Variants in PMFBP1 observed in about 807,000 individuals in gnomAD.
PMFBP1 encodes the protein polyamine modulated factor 1 binding protein 1.
In PMFBP1, 131 loss-of-function variants were observed where a neutral mutation model predicts 137.8. The ratio of observed to expected loss-of-function variants is 0.95; its 90% CI spans 0.82 to 1.10. The LOEUF (loss-of-function observed/expected upper bound fraction) is 1.10. PMFBP1 is among the 50% of genes least tolerant of loss of function. The pLI is 0.00. For missense variants in PMFBP1, 1,199 were observed against 1,175.4 expected (o/e 1.02, Z -0.29); for synonymous variants, 490 against 450.4 (o/e 1.09, Z -1.11).
chr16:72,132,575 A>C (rs1467149241), intron 10 of PMFBP1, among the ~76,000 whole-genome samples, 173 bp downstream of exon 10: 4 of 152,160 alleles, frequency 2.6e-5, no homozygotes, highest in Non-Finnish European at 2.9e-5. Context: ...GAAGGAATTC[A>C]AGAGGGCGGT....
chr16:72,173,734 C>T (rs1251048023), upstream of PMFBP1, among the ~76,000 whole-genome samples: 2 of 152,066 alleles, frequency 1.3e-5, no homozygotes, highest in Admixed American at 1.3e-4. Context: ...TTGGGGGAGC[C>T]CCACAGGCTT....
At chr16:72,150,518 G>T in intron 5 of PMFBP1, 90 bp downstream of exon 5, 1 of 1,303,494 alleles carries the variant, frequency 7.7e-7, no homozygotes, top group Non-Finnish European at 1.1e-6. Flanking sequence ...AAAGGTTTGG[G>T]TTTCCAGTGG....
the PMFBP1 span, among the ~76,000 whole-genome samples, chr16:72,246,010 G>C: frequency 6.6e-6 from 1 of 152,172 alleles, no homozygotes; most frequent in Non-Finnish European, 1.5e-5. Flanking sequence ...CACTGCAAAA[G>C]ACAGTCTACT....
At chr16:72,226,217 G>A in the PMFBP1 span, among the ~76,000 whole-genome samples, 1 of 152,054 alleles carries the variant, frequency 6.6e-6, no homozygotes, top group Non-Finnish European at 1.5e-5. Flanking sequence ...GAATTCTTTG[G>A]TTACTAGATT....
chr16:72,120,214 G>A lies in PMFBP1; in HGVS notation c.2769-125C>T, dbSNP rs765679594. 1,280 of 1,469,954 alleles carry A rather than the reference G, an allele frequency of 8.7e-4. 2 individuals are homozygous for A. Among genetic ancestry groups the A allele is most frequent in the Middle Eastern group, 2.0e-3 (8 of 4,008 alleles). 91.1% of individuals were successfully genotyped at this position (1,469,954 alleles called of 1,614,324 possible). On this transcript the variant is annotated intron_variant, in intron 19 of 20. Coordinates refer to ENST00000237353, the MANE Select transcript of PMFBP1 (RefSeq NM_031293.3). ...CAGATGCCCAGGTCTGTTCAGAGCC[G>A]GCCTGTTACACATGCTCTGTAGAAA... is the stretch of plus-strand genomic sequence containing the variant.
the PMFBP1 span, among the ~76,000 whole-genome samples, chr16:72,205,148 A>G: frequency 7.9e-5 from 12 of 152,306 alleles, no homozygotes; most frequent in African/African-American, 2.9e-4. Context: ...GTGCAGGAGA[A>G]AGACAGAGAT....
chr16:72,161,094 C>CTTTTT (rs35611285), intron 3 of PMFBP1, among the ~76,000 whole-genome samples: 1 of 124,946 alleles, frequency 8.0e-6, no homozygotes, highest in East Asian at 2.3e-4. Context: ...TTATCTGTTA[C>CTTTTT]TTTTTTTTTT....
intron 3 of PMFBP1, among the ~76,000 whole-genome samples, chr16:72,161,094 CTTTT>C (rs35611285): frequency 1.6e-5 from 2 of 124,946 alleles, no homozygotes; most frequent in African/African-American, 5.7e-5. Context: ...TTATCTGTTA[CTTTT>C]TTTTTTTTTT....
chr16:72,142,944 G>GA (rs1387158654), intron 5 of PMFBP1, among the ~76,000 whole-genome samples: 6 of 151,550 alleles, frequency 4.0e-5, no homozygotes, highest in African/African-American at 7.3e-5. Context: ...GAAAATAGAT[G>GA]AAAAAAAATT....
chr16:72,182,131 G>A, the PMFBP1 span, among the ~76,000 whole-genome samples: 2 of 152,178 alleles, frequency 1.3e-5, no homozygotes, highest in Admixed American at 1.3e-4. Context: ...GTATGAGCCC[G>A]TAATTTAAAC....
the PMFBP1 span, among the ~76,000 whole-genome samples, chr16:72,228,115 G>A: frequency 1.3e-5 from 2 of 152,038 alleles, no homozygotes; most frequent in African/African-American, 4.8e-5. Flanking sequence ...AACATCTTAA[G>A]GAAAACTTCC....
chr16:72,132,227 G>C (rs1314483789), intron 10 of PMFBP1, among the ~76,000 whole-genome samples: 5 of 152,146 alleles, frequency 3.3e-5, no homozygotes, highest in Admixed American at 6.5e-5. Flanking sequence ...TTTAATTCCA[G>C]AGCATTTTCA....
At chr16:72,183,938 T>G in the PMFBP1 span, among the ~76,000 whole-genome samples, 4 of 152,200 alleles carry the variant, frequency 2.6e-5, no homozygotes, top group South Asian at 8.3e-4. Context: ...GTCAAAGTTT[T>G]GGGTGTCAAC....
chr16:72,194,938 C>T, the PMFBP1 span, among the ~76,000 whole-genome samples: 2 of 152,220 alleles, frequency 1.3e-5, no homozygotes, highest in African/African-American at 2.4e-5. Context: ...TTACACTCAT[C>T]AATTTAGATG....
chr16:72,199,891 G>C, the PMFBP1 span, among the ~76,000 whole-genome samples: 1 of 152,160 alleles, frequency 6.6e-6, no homozygotes, highest in African/African-American at 2.4e-5. Context: ...AATTAGGATG[G>C]GGCTGCTGGT....
Position 72,150,769 on chromosome 16 carries a change from A to G in PMFBP1, c.475T>C (p.Leu159=). Residue 159 remains leucine, a synonymous_variant, in exon 5 of 21, where the codon TTG becomes CTG. Coordinates refer to ENST00000237353, the MANE Select transcript of PMFBP1 (RefSeq NM_031293.3). ...HNENTGEKLH[L]AQEQLALAGD... ...GCCAAGGCGAGTTGCTCCTGCGCCA[A>G]ATGGAGCTTCTCCCCTGTGTTCTCG... The G allele has an allele frequency of 6.2e-7, 1 of 1,614,134 alleles. No individual in the cohort carries two copies.
intron 5 of PMFBP1, among the ~76,000 whole-genome samples, chr16:72,142,547 C>T (rs1389189809): frequency 6.6e-6 from 1 of 152,146 alleles, no homozygotes; most frequent in Non-Finnish European, 1.5e-5. Context: ...TCTTTGAAGA[C>T]TTAAGGGAAG....
the PMFBP1 span, among the ~76,000 whole-genome samples, chr16:72,204,264 T>A: frequency 6.6e-6 from 1 of 151,864 alleles, no homozygotes; most frequent in Non-Finnish European, 1.5e-5. Context: ...CTTGGCTCAC[T>A]GCGGCCTCAA....
At chr16:72,189,140 T>C in the PMFBP1 span, among the ~76,000 whole-genome samples, 1 of 152,184 alleles carries the variant, frequency 6.6e-6, no homozygotes, top group Non-Finnish European at 1.5e-5. Context: ...TATTAGCTCA[T>C]TAATTCTCCC....
Sources: gnomAD v4.1 joint callset for allele counts (sites outside exome capture counted in the v4.1 genomes callset) on GRCh38, gnomAD v4.1.1 for gene constraint, MANE v1.5 for transcripts, NCBI Gene and HGNC (gene_info 2026-07-23, HGNC 2026-07-21) for gene names.